The following UGP2 variants were observed in gnomAD, a reference collection of about 807,000 sequenced individuals.
UGP2 encodes the protein UTP--glucose-1-phosphate uridylyltransferase.
A neutral mutation model predicts 49.0 loss-of-function variants in UGP2; 40 were observed. The observed-to-expected ratio is 0.82, with a 90% CI of 0.63 to 1.06. The LOEUF (loss-of-function observed/expected upper bound fraction) is 1.06. Ranked by LOEUF, UGP2 falls within the 50% of genes least tolerant of loss-of-function variation. The pLI, the probability that UGP2 is intolerant of heterozygous loss-of-function variation, is 0.00. For synonymous variants in UGP2, 225 were observed against 213.0 expected (o/e 1.06, Z -0.49); for missense variants, 460 against 603.5 (o/e 0.76, Z 2.49).
chr2:63,886,245 T>C, intron 6 of UGP2, 96 bp from the exon 7 acceptor site: 1 of 1,175,600 alleles, frequency 8.5e-7, no homozygotes. Flanking sequence ...CTACATAATG[T>C]ATTTATATAT....
chr2:63,844,971 A>G (rs1358165078), intron 1 of UGP2, among the ~76,000 whole-genome samples: 2 of 152,250 alleles, frequency 1.3e-5, no homozygotes, highest in African/African-American at 2.4e-5. Flanking sequence ...CTAGACTGTC[A>G]GTTCCCATTG....
At chr2:63,870,299 GTTTGC>G (rs1670465695) in intron 3 of UGP2, among the ~76,000 whole-genome samples, 1 of 152,160 alleles carries the variant, frequency 6.6e-6, no homozygotes. Flanking sequence ...TGATCTGATA[GTTTGC>G]TTTGCTTATA....
chr2:63,844,396 C>A (rs1671787102), intron 1 of UGP2, among the ~76,000 whole-genome samples: 1 of 152,006 alleles, frequency 6.6e-6, no homozygotes, highest in Non-Finnish European at 1.5e-5. Context: ...GTTCATGCTC[C>A]TTCATAGGGG....
At chr2:63,842,255 ACT>A in intron 1 of UGP2, 51 bp downstream of exon 1, 1 of 1,608,252 alleles carries the variant, frequency 6.2e-7, no homozygotes, top group Non-Finnish European at 8.5e-7. Flanking sequence ...AAATTTGGGT[ACT>A]GACAGTGGAG....
chr2:63,856,221 A>G, intron 1 of UGP2, 85 bp from the exon 2 acceptor site: 2 of 1,513,612 alleles, frequency 1.3e-6, no homozygotes, highest in Non-Finnish European at 1.8e-6. Flanking sequence ...TCATTTGCTG[A>G]ATACCAGAAA....
At chr2:63,884,487 G>A (rs1671523851) in intron 5 of UGP2, among the ~76,000 whole-genome samples, 1 of 152,166 alleles carries the variant, frequency 6.6e-6, no homozygotes, top group Middle Eastern at 3.4e-3. Context: ...AATAAATTCT[G>A]GAGGAAATCT....
intron 3 of UGP2, among the ~76,000 whole-genome samples, chr2:63,874,044 CT>C (rs1233709762): frequency 6.6e-6 from 1 of 152,186 alleles, no homozygotes; most frequent in Non-Finnish European, 1.5e-5. Context: ...TCCTGGAAAT[CT>C]TTTAATTCAC....
At chr2:63,860,745 G>A (rs1669778068) in intron 3 of UGP2, among the ~76,000 whole-genome samples, 1 of 149,436 alleles carries the variant, frequency 6.7e-6, no homozygotes, top group African/African-American at 2.5e-5. Context: ...CAGGCATTGT[G>A]CCACCAGGCC....
intron 1 of UGP2, chr2:63,842,436 A>G (rs747554711): frequency 5.8e-6 from 9 of 1,557,394 alleles, no homozygotes; most frequent in African/African-American, 2.7e-5. Flanking sequence ...CCCTGAAATC[A>G]GGTTAGTAGT....
chr2:63,854,688 A>G (rs540320632), intron 1 of UGP2, among the ~76,000 whole-genome samples: 11 of 152,320 alleles, frequency 7.2e-5, no homozygotes, highest in Middle Eastern at 6.8e-3. Context: ...TAATCACTAA[A>G]AACAGAGCTT....
intron 1 of UGP2, chr2:63,842,516 C>A: frequency 6.5e-7 from 1 of 1,534,896 alleles, no homozygotes; most frequent in Non-Finnish European, 8.7e-7. Flanking sequence ...AATCCTTGTT[C>A]TCTTTTCCTG....
chr2:63,890,081 G>T lies in UGP2; in HGVS notation c.1315G>T (p.Val439Phe). ...LVKLGSSFTK[V>F]QDYLRRFESI... ...TTTTATGTTTCTCCTTTTCTGTAAG[G>T]TTCAAGATTATCTAAGAAGATTTGA... Residue 439 changes from valine (V) to phenylalanine (F), a missense_variant and splice_region_variant, in exon 9 of 10, where the codon GTT becomes TTT. By Grantham distance (50) the Val-to-Phe change is conservative (BLOSUM62 -1). Transcript: ENST00000337130. 1 of 1,604,456 alleles carries T rather than the reference G, an allele frequency of 6.2e-7. No individual in the cohort carries two copies. Among genetic ancestry groups the T allele is most frequent in the East Asian group, 2.2e-5 (1 of 44,644 alleles).
At chr2:63,870,226 A>G (rs2104318339) in intron 3 of UGP2, among the ~76,000 whole-genome samples, 1 of 152,286 alleles carries the variant, frequency 6.6e-6, no homozygotes, top group African/African-American at 2.4e-5. Flanking sequence ...CCGCCCCTAA[A>G]ATTAATTTTT....
chr2:63,854,751 C>A (rs1368984749), intron 1 of UGP2: 1 of 152,058 alleles, frequency 6.6e-6, no homozygotes, highest in Non-Finnish European at 1.5e-5. Flanking sequence ...TTGTTTAAGC[C>A]GATTATATTT....
At chr2:63,856,881 A>G (rs1352763847) in intron 2 of UGP2, 1 of 445,300 alleles carries the variant, frequency 2.2e-6, no homozygotes, top group East Asian at 7.0e-5. Context: ...GTAAATCAAT[A>G]GGTTAGTATT....
At chr2:63,852,076 T>C (rs889672747) in intron 1 of UGP2, among the ~76,000 whole-genome samples, 1 of 152,236 alleles carries the variant, frequency 6.6e-6, no homozygotes, top group Non-Finnish European at 1.5e-5. Flanking sequence ...CATTTTATGC[T>C]TAAACCAATC....
At chr2:63,858,537 C>T (rs1398535958) in intron 3 of UGP2, among the ~76,000 whole-genome samples, 1 of 151,486 alleles carries the variant, frequency 6.6e-6, no homozygotes, top group East Asian at 1.9e-4. Flanking sequence ...AAAAAAAAAG[C>T]TAAAAAATAA....
At chr2:63,867,139 T>C (rs917772690) in intron 3 of UGP2, among the ~76,000 whole-genome samples, 4 of 152,238 alleles carry the variant, frequency 2.6e-5, no homozygotes, top group Non-Finnish European at 4.4e-5. Flanking sequence ...AAGTGCACAG[T>C]CAACAGGTAT....
intron 2 of UGP2, among the ~76,000 whole-genome samples, chr2:63,857,149 A>G (rs569900754): frequency 1.4e-4 from 21 of 152,140 alleles, no homozygotes; most frequent in African/African-American, 3.9e-4. Flanking sequence ...AAAAATACAA[A>G]AATTAGCCAG....
Sources: allele counts gnomAD v4.1 joint callset (sites outside exome capture counted in the v4.1 genomes callset), GRCh38; gene constraint gnomAD v4.1.1; transcripts MANE v1.5; gene names NCBI Gene and HGNC (gene_info 2026-07-23, HGNC 2026-07-21).